The following TRPM2 variants were observed in gnomAD, a reference collection of about 807,000 sequenced individuals.
TRPM2 encodes transient receptor potential cation channel subfamily M member 2.
TRPM2 carries 161 observed loss-of-function variants against 174.0 expected under a neutral mutation model. The ratio of observed to expected loss-of-function variants is 0.93; its 90% CI spans 0.81 to 1.05. TRPM2 has a LOEUF of 1.05. TRPM2 is among the 50% of genes least tolerant of loss of function. The pLI is 0.00. For missense variants in TRPM2, 2,057 were observed against 2,038.0 expected (o/e 1.01, Z -0.18); for synonymous variants, 954 against 861.3 (o/e 1.11, Z -1.88).
chr21:44,392,280 CAG>C (rs2146245159), intron 11 of TRPM2, among the ~76,000 whole-genome samples: 1 of 151,968 alleles, frequency 6.6e-6, no homozygotes, highest in Admixed American at 6.6e-5. Context: ...ATGTTTGAGA[CAG>C]GGTCTGGCTC....
chr21:44,375,053 A>G (rs536256047), intron 5 of TRPM2, among the ~76,000 whole-genome samples: 137 of 152,284 alleles, frequency 9.0e-4, no homozygotes, highest in Admixed American at 2.7e-3. Context: ...CTGGGACTAC[A>G]GGTGTGCACC....
At chr21:44,428,550 C>A (rs1192090390) in intron 27 of TRPM2, among the ~76,000 whole-genome samples, 1 of 141,750 alleles carries the variant, frequency 7.1e-6, no homozygotes, top group Non-Finnish European at 1.5e-5. Context: ...TGTGACTCCT[C>A]CCCTTAGGTG....
intron 22 of TRPM2, chr21:44,422,151 C>T: frequency 8.3e-7 from 1 of 1,207,886 alleles, no homozygotes; most frequent in Non-Finnish European, 1.1e-6. Flanking sequence ...GGGCCCTAGC[C>T]TGGTCACCGT....
chr21:44,409,542 G>A lies in TRPM2; in HGVS notation c.2962+2777G>A, dbSNP rs1452172636. Among the ~76,000 whole-genome samples, 28 of 147,306 alleles carry A rather than the reference G, an allele frequency of 1.9e-4. 2 individuals are homozygous for A. Among genetic ancestry groups the A allele is most frequent in the African/African-American group, 5.2e-4 (21 of 40,010 alleles). ...CGTAGCCTTGTAGTAAGTTTTGATCGTGCTGTCTTGGTTGGCATAGCCTTG... is the reference window on the plus strand; with the variant it reads ...CGTAGCCTTGTAGTAAGTTTTGATCATGCTGTCTTGGTTGGCATAGCCTTG... On this transcript the variant is annotated intron_variant, in intron 19 of 31. Transcript: ENST00000397928.
At chr21:44,397,408 C>T (rs1383918813) in intron 12 of TRPM2, among the ~76,000 whole-genome samples, 1 of 152,172 alleles carries the variant, frequency 6.6e-6, no homozygotes, top group Non-Finnish European at 1.5e-5. Context: ...AGGGCCGAGT[C>T]TCACTGGGCA....
intron 21 of TRPM2, 78 bp from the exon 22 acceptor site, chr21:44,418,345 C>G: frequency 6.4e-7 from 1 of 1,553,512 alleles, no homozygotes; most frequent in Non-Finnish European, 8.7e-7. Flanking sequence ...TCCCACGGGG[C>G]CCCCCCGGTG....
chr21:44,353,441 C>T (rs2047963076), upstream of TRPM2: 2 of 380,864 alleles, frequency 5.3e-6, no homozygotes, highest in Non-Finnish European at 4.6e-6. Flanking sequence ...CATGTACTCC[C>T]CCAGAGTGTC....
chr21:44,400,884 G>T (rs2049594724), intron 15 of TRPM2, among the ~76,000 whole-genome samples: 1 of 152,198 alleles, frequency 6.6e-6, no homozygotes, highest in South Asian at 2.1e-4. Context: ...GAGGCTTGCT[G>T]GGGCGTTGTG....
chr21:44,382,036 T>C (rs890505697), intron 8 of TRPM2, among the ~76,000 whole-genome samples: 9 of 151,534 alleles, frequency 5.9e-5, no homozygotes, highest in Non-Finnish European at 2.9e-5. Context: ...GATAGAAAGA[T>C]AAGTGGATGG....
intron 4 of TRPM2, among the ~76,000 whole-genome samples, chr21:44,368,857 G>A (rs759182125): frequency 6.6e-6 from 1 of 152,154 alleles, no homozygotes; most frequent in Non-Finnish European, 1.5e-5. Flanking sequence ...GCCGCACCTG[G>A]GTCCTGAAAG....
chr21:44,359,299 C>G (rs575968336), intron 2 of TRPM2, among the ~76,000 whole-genome samples: 1 of 151,974 alleles, frequency 6.6e-6, no homozygotes, highest in South Asian at 2.1e-4. Flanking sequence ...TCTCCAAGTC[C>G]GCACCCAACC....
At chr21:44,426,837 C>T in intron 26 of TRPM2, 101 bp downstream of exon 26, 1 of 1,487,218 alleles carries the variant, frequency 6.7e-7, no homozygotes, top group South Asian at 1.1e-5. Flanking sequence ...CGGGGAGGTC[C>T]AGGTGAGCAG....
At chr21:44,372,135 C>A (rs1465499089) in intron 5 of TRPM2, among the ~76,000 whole-genome samples, 1 of 151,660 alleles carries the variant, frequency 6.6e-6, no homozygotes, top group African/African-American at 2.4e-5. Context: ...TAAACCAAAC[C>A]AAACCAAACA....
In TRPM2 at chr21:44,432,312, G is replaced by A. The variant is rs1241452644; in HGVS notation, c.3975-2819G>A. On this transcript the variant is annotated intron_variant, in intron 27 of 31. Transcript: ENST00000397928. The surrounding 1 kb of genome is among the most constrained non-coding windows in gnomAD (Gnocchi z 4.9). ...TCCTGGCAGCCCTTCGTGTTCCTTG[G>A]CTTGTGATCTCTGCCTCCCTAGCCA... Among the ~76,000 whole-genome samples the A allele has an allele frequency of 6.6e-6, 1 of 152,118 alleles. No individual in the cohort carries two copies. Among genetic ancestry groups the A allele is most frequent in the Non-Finnish European group, 1.5e-5 (1 of 68,026 alleles).
Position 44,406,762 on chromosome 21 carries a change from G to A in TRPM2, c.2959G>A (p.Asp987Asn), listed in dbSNP as rs528691267. ...CTTCGGGCAGATCCCGGGCTACATC[G>A]ACGGTAGGAGCCGGGCGCCATGGGA... ...TIFGQIPGYI[D>N]GVNFNPEHCS... The change falls in exon 19 of 32, where the codon GAC becomes AAC. Residue 987 changes from aspartate to asparagine, a missense_variant. Asp to Asn is a conservative substitution (Grantham distance 23, BLOSUM62 1). Coordinates refer to ENST00000397928, the MANE Select transcript of TRPM2 (RefSeq NM_003307.4). 1.7e-5 allele frequency: 28 copies of A among 1,600,788 alleles called. No individual in the cohort carries two copies. The highest frequency in any genetic ancestry group is 1.6e-4 in the Admixed American group (9 of 57,666).
At chr21:44,389,779 G>C (rs549201337) in intron 9 of TRPM2, among the ~76,000 whole-genome samples, 8 of 151,978 alleles carry the variant, frequency 5.3e-5, no homozygotes, top group African/African-American at 1.7e-4. Flanking sequence ...TTATATATTC[G>C]GATACAAATC....
At chr21:44,417,493 T>G (rs1183992069) in intron 20 of TRPM2, among the ~76,000 whole-genome samples, 1 of 87,538 alleles carries the variant, frequency 1.1e-5, no homozygotes, top group Non-Finnish European at 2.2e-5. Context: ...GGCATCACAG[T>G]GGGCACGTGG....
chr21:44,433,303 G>C (rs1221007213), intron 27 of TRPM2, among the ~76,000 whole-genome samples: 1 of 152,228 alleles, frequency 6.6e-6, no homozygotes, highest in African/African-American at 2.4e-5. Context: ...AGAGCGTGTG[G>C]CCTCCTCTGT....
At chr21:44,382,643 T>C in intron 8 of TRPM2, 75 bp from the exon 9 acceptor site, 2 of 1,467,520 alleles carry the variant, frequency 1.4e-6, no homozygotes, top group South Asian at 2.4e-5. Context: ...GTCCGGGGCC[T>C]CAATTCTATG....
Sources: gnomAD v4.1 joint callset for allele counts (sites outside exome capture counted in the v4.1 genomes callset) on GRCh38, gnomAD v4.1.1 for gene constraint, Gnocchi (gnomAD v3.1) non-coding constraint, MANE v1.5 for transcripts, NCBI Gene and HGNC (gene_info 2026-07-23, HGNC 2026-07-21) for gene names.